The following TAF4 variants were observed in gnomAD, a reference collection of about 807,000 sequenced individuals.
TAF4 encodes TATA-box binding protein associated factor 4.
A neutral mutation model predicts 90.3 loss-of-function variants in TAF4; 9 were observed. The ratio of observed to expected loss-of-function variants is 0.10; its 90% CI spans 0.06 to 0.17. The LOEUF (loss-of-function observed/expected upper bound fraction) is 0.17, where lower values mean the gene tolerates loss of function less well. Among genes scored for constraint, TAF4 ranks in the 10% least tolerant of loss-of-function variants. The probability of loss-of-function intolerance (pLI) is 1.00; values close to 1 mark genes in which losing one functional copy is unlikely to be tolerated. For missense variants in TAF4, 1,351 were observed against 1,370.7 expected (o/e 0.99, Z 0.23); for synonymous variants, 818 against 638.9 (o/e 1.28, Z -4.23).
chr20:62,004,320 TTTC>T (rs982664657), intron 7 of TAF4, among the ~76,000 whole-genome samples: 5 of 128,950 alleles, frequency 3.9e-5, no homozygotes, highest in African/African-American at 5.6e-5. Context: ...TCTTTTTTCT[TTTC>T]TTTTCTTTTT....
intron 14 of TAF4, among the ~76,000 whole-genome samples, chr20:61,991,448 A>T (rs1361357813): frequency 1.3e-5 from 2 of 151,746 alleles, no homozygotes; most frequent in Non-Finnish European, 2.9e-5. Flanking sequence ...AAAAAAAAAG[A>T]GAGAGAGAAA....
In TAF4 at chr20:61,999,086, G is replaced by A. The variant is rs369628063; in HGVS notation, c.2810C>T (p.Ala937Val). 5.5e-5 allele frequency: 89 copies of A among 1,613,954 alleles called. No individual in the cohort carries two copies. The highest frequency in any genetic ancestry group is 6.5e-5 in the Non-Finnish European group (77 of 1,180,034). Residue 937 changes from alanine to valine, a missense_variant, in exon 12 of 15, where the codon GCG becomes GTG. By Grantham distance (64) the Ala-to-Val change is moderately conservative. Transcript: ENST00000252996. Reference protein sequence around the residue: ...SYKDDDRYEQASDVRAQLKFF... With the variant: ...SYKDDDRYEQVSDVRAQLKFF... ...CTTGAGCTGTGCCCGGACGTCACTC[G>A]CCTGCTCATATCTGTCGTCATCCTA...
chr20:62,050,171 C>T (rs1348436392), intron 1 of TAF4, among the ~76,000 whole-genome samples: 3 of 152,196 alleles, frequency 2.0e-5, no homozygotes, highest in African/African-American at 4.8e-5. Flanking sequence ...GAGGACACTG[C>T]AGACCAGAAG....
intron 13 of TAF4, 90 bp downstream of exon 13, chr20:61,998,046 G>C: frequency 3.2e-6 from 4 of 1,256,968 alleles, no homozygotes; most frequent in South Asian, 1.3e-5. Flanking sequence ...CTATCGTACA[G>C]AAGTGCCACG....
chr20:62,007,529 C>G lies in TAF4; in HGVS notation c.1974+18G>C. 3.1e-6 allele frequency: 5 copies of G among 1,612,402 alleles called. No individual in the cohort carries two copies. The highest frequency in any genetic ancestry group is 4.2e-6 in the Non-Finnish European group (5 of 1,178,562). On this transcript the variant is annotated intron_variant, in intron 6 of 14. Coordinates refer to ENST00000252996, the MANE Select transcript of TAF4 (RefSeq NM_003185.4). ...CCCTGGCCCTACTGCTCGCAGGCAC[C>G]GGGGCCTTTGAAATTACCTTCAGGA...
rs1308529572 is a variant in TAF4, at chr20:62,064,582, T to C, written c.1229A>G (p.Gln410Arg). The change falls in exon 1 of 15, where the codon CAG becomes CGG. Residue 410 changes from glutamine to arginine, a missense_variant. Gln to Arg is a conservative substitution (Grantham distance 43). Coordinates refer to ENST00000252996, the MANE Select transcript of TAF4 (RefSeq NM_003185.4). ...LPKGAAGAVTQSLSRTPTATT... is the reference protein window; with the variant it reads ...LPKGAAGAVTRSLSRTPTATT... ...GGCCGTGGGCGTCCGGGACAGGCTC[T>C]GGGTCACTGCGCCGGCCGCGCCTTT... The C allele has an allele frequency of 3.3e-6, 5 of 1,500,706 alleles. No individual in the cohort carries two copies. The highest frequency in any genetic ancestry group is 3.5e-6 in the Non-Finnish European group (4 of 1,130,288). The allele number at this position is 1,500,706 out of a possible 1,614,324, so 93.0% of individuals were successfully genotyped here. A position where few individuals can be genotyped will look rare whatever the true frequency, so the allele number is the denominator to read the frequency against.
intron 1 of TAF4, among the ~76,000 whole-genome samples, chr20:62,019,258 C>G (rs2055829249): frequency 6.6e-6 from 1 of 152,220 alleles, no homozygotes; most frequent in Non-Finnish European, 1.5e-5. Context: ...ACTCAGTGTG[C>G]ACCGTGCACT....
At chr20:62,005,629 G>A (rs1194856463) in intron 7 of TAF4, 4 of 152,214 alleles carry the variant, frequency 2.6e-5, no homozygotes, top group Non-Finnish European at 1.5e-5. Context: ...CTTTACACAG[G>A]CGCTCAGCCC....
chr20:61,998,096 A>G (rs747990924), intron 13 of TAF4, 40 bp downstream of exon 13: 4 of 1,607,676 alleles, frequency 2.5e-6, no homozygotes, highest in Middle Eastern at 1.7e-4. Flanking sequence ...TACAGTGCAC[A>G]GCAAAGTGCC....
chr20:61,976,304 C>G lies in TAF4; in HGVS notation c.3122G>C (p.Ser1041Thr), dbSNP rs1343720130. The change falls in exon 15 of 15, where the codon AGC becomes ACC. Residue 1041 changes from serine to threonine, a missense_variant. Coordinates refer to ENST00000252996, the MANE Select transcript of TAF4 (RefSeq NM_003185.4). Reference protein sequence around the residue: ...GSGPGSVVPGSSGVGTPRQFT... With the variant: ...GSGPGSVVPGTSGVGTPRQFT... ...CTGTCTGGGGGTTCCGACACCCGAG[C>G]TGCCTGGGACCACTGAGCCGGGGCC... The G allele has an allele frequency of 1.9e-6, 3 of 1,613,788 alleles. No homozygotes were observed. The highest frequency in any genetic ancestry group is 2.2e-5 in the East Asian group (1 of 44,876).
intron 14 of TAF4, among the ~76,000 whole-genome samples, chr20:61,985,792 T>C (rs2055585689): frequency 6.6e-6 from 1 of 151,722 alleles, no homozygotes; most frequent in African/African-American, 2.4e-5. Context: ...TTTGTGTGTG[T>C]GCACATGCCC....
chr20:62,060,814 C>G (rs1490173385), intron 1 of TAF4, among the ~76,000 whole-genome samples: 2 of 152,212 alleles, frequency 1.3e-5, no homozygotes, highest in Non-Finnish European at 2.9e-5. Context: ...CCTCAGACCT[C>G]GGTAACTTCC....
chr20:62,038,474 C>T (rs139407084), intron 1 of TAF4, among the ~76,000 whole-genome samples: 3 of 152,046 alleles, frequency 2.0e-5, no homozygotes, highest in East Asian at 3.9e-4. Flanking sequence ...ACTGACCCAC[C>T]GCGCCCGGCC....
chr20:62,043,839 T>C (rs1018251014), intron 1 of TAF4, among the ~76,000 whole-genome samples: 2 of 152,218 alleles, frequency 1.3e-5, no homozygotes, highest in African/African-American at 4.8e-5. Flanking sequence ...TGCCTAATGA[T>C]GCGTTTCTAG....
intron 7 of TAF4, among the ~76,000 whole-genome samples, chr20:62,004,330 T>TTTTTC (rs1555875089): frequency 5.2e-5 from 7 of 134,112 alleles, no homozygotes; most frequent in African/African-American, 8.7e-5. Context: ...TTTCTTTTCT[T>TTTTTC]TTTTTTTTTT....
In TAF4 at chr20:61,979,681, C is replaced by T. The variant is rs1224036283; in HGVS notation, c.3091-3346G>A. Among the ~76,000 whole-genome samples, 22 of 145,348 alleles carry T rather than the reference C, an allele frequency of 1.5e-4. No homozygotes were observed. The South Asian group carries it at 1.8e-3, about 12-fold the overall frequency. On this transcript the variant is annotated intron_variant, in intron 14 of 14. Coordinates refer to ENST00000252996, the MANE Select transcript of TAF4 (RefSeq NM_003185.4). ...TGGCCACTCCAGAGGGACTGCGGCC[C>T]GTGCAGGCGCGATGGCCACTCCAGA...
chr20:62,062,070 TCCACTTGACAC>T (rs1398075043), intron 1 of TAF4, among the ~76,000 whole-genome samples: 2 of 152,216 alleles, frequency 1.3e-5, no homozygotes, highest in Non-Finnish European at 1.5e-5. Flanking sequence ...CGTCTGCTAC[TCCACTTGACAC>T]CCACATGCAG....
intron 1 of TAF4, among the ~76,000 whole-genome samples, chr20:62,034,854 T>C (rs907925517): frequency 6.4e-4 from 97 of 151,182 alleles, no homozygotes; most frequent in South Asian, 3.1e-3. Context: ...GGAGTCTCGC[T>C]CTGTCACCCA....
At chr20:61,982,889 C>CT (rs1319044355) in intron 14 of TAF4, among the ~76,000 whole-genome samples, 1 of 152,208 alleles carries the variant, frequency 6.6e-6, no homozygotes, top group African/African-American at 2.4e-5. Context: ...CTGCACCCCC[C>CT]TCCCCACCCG....
Sources: gnomAD v4.1 joint callset for allele counts (sites outside exome capture counted in the v4.1 genomes callset) on GRCh38, gnomAD v4.1.1 for gene constraint, MANE v1.5 for transcripts, NCBI Gene and HGNC (gene_info 2026-07-23, HGNC 2026-07-21) for gene names.